Variants in MSH6 observed in about 807,000 individuals in gnomAD.
The protein encoded by MSH6 is DNA mismatch repair protein Msh6.
In MSH6, 85 loss-of-function variants were observed where a neutral mutation model predicts 119.1. That is an observed-to-expected ratio of 0.71 (90% CI 0.60 to 0.85). MSH6 has a LOEUF of 0.85. MSH6 is among the 40% of genes least tolerant of loss of function. The pLI, the probability that MSH6 is intolerant of heterozygous loss-of-function variation, is 0.00. For missense variants in MSH6, 2,163 were observed against 1,655.3 expected (o/e 1.31, Z -5.32); for synonymous variants, 830 against 586.9 (o/e 1.41, Z -5.99).
intron 4 of MSH6, 121 bp from the exon 5 acceptor site, chr2:47,803,299 G>A: frequency 7.7e-7 from 1 of 1,306,544 alleles, no homozygotes; most frequent in Non-Finnish European, 1.1e-6. Flanking sequence ...GGAGATCGTT[G>A]GACTGTAATT....
At position 47,805,474 on chromosome 2, in the gene MSH6, G is replaced by A. The variant is rs7562367; in HGVS notation, c.3557-144G>A. ...ATTACAGGCGTGAGCCACCGTGCCC[G>A]GCCAATAATTGCATAGTCTCTTAAT... On this transcript the variant is annotated intron_variant, in intron 6 of 9. Coordinates refer to ENST00000234420, the MANE Select transcript of MSH6 (RefSeq NM_000179.3). 477,482 of 692,022 alleles carry A rather than the reference G, an allele frequency of 0.69. 166,654 individuals are homozygous for A. The highest frequency in any genetic ancestry group is 0.86 in the East Asian group (31,609 of 36,822). 42.9% of individuals were successfully genotyped at this position (692,022 alleles called of 1,614,324 possible).
chr2:47,787,772 C>T (rs1167274856), intron 1 of MSH6, among the ~76,000 whole-genome samples: 2 of 152,078 alleles, frequency 1.3e-5, no homozygotes, highest in East Asian at 3.9e-4. Context: ...GCACACCACC[C>T]CATGCCTGGC....
At chr2:47,790,632 G>C (rs2104090957) in intron 1 of MSH6, among the ~76,000 whole-genome samples, 1 of 152,178 alleles carries the variant, frequency 6.6e-6, no homozygotes, top group East Asian at 1.9e-4. Context: ...CCTTTTTCCT[G>C]CCATCAGCAT....
rs753778809 is a variant in MSH6 at position 47,805,626 on chromosome 2, A to G, written c.3565A>G (p.Thr1189Ala). 48 of 1,609,836 alleles carry G rather than the reference A, an allele frequency of 3.0e-5. No homozygotes were observed. Among genetic ancestry groups the G allele is most frequent in the Non-Finnish European group, 3.9e-5 (46 of 1,176,656 alleles). ...ASDRIMSGES[T>A]FFVELSETAS... is the part of the protein sequence containing the mutation. ...ATTTTTTTTTTTTTAAGGTGAAAGT[A>G]CATTTTTTGTTGAATTAAGTGAAAC... The change falls in exon 7 of 10, where the codon ACA becomes GCA. Residue 1189 changes from threonine to alanine, a missense_variant. Physicochemically the swap from Thr to Ala is moderately conservative, Grantham distance 58. Transcript: ENST00000234420.
downstream of MSH6, chr2:47,807,519 C>T (rs1670303440): frequency 4.8e-6 from 1 of 210,110 alleles, no homozygotes; most frequent in African/African-American, 2.3e-5. Flanking sequence ...AAAGAACGTA[C>T]ATACTGGGAC....
At chr2:47,793,737 CTTT>C (rs1321229070) in intron 2 of MSH6, among the ~76,000 whole-genome samples, 1 of 146,464 alleles carries the variant, frequency 6.8e-6, no homozygotes, top group South Asian at 2.2e-4. Context: ...GGCAGAATTA[CTTT>C]TTTTTTTTGC....
At position 47,783,230 on chromosome 2, in the gene MSH6, C is replaced by T. The variant is rs1114167784; in HGVS notation, c.-4C>T. On this transcript the variant is annotated 5_prime_UTR_variant, in exon 1 of 10. Coordinates refer to ENST00000234420, the MANE Select transcript of MSH6 (RefSeq NM_000179.3). ...AGAACGGTTGGGCCTTGCCGGCTGT[C>T]GGTATGTCGCGACAGAGCACCCTGT... 4 of 1,611,234 alleles carry T rather than the reference C, an allele frequency of 2.5e-6. No individual in the cohort carries two copies. Among genetic ancestry groups the T allele is most frequent in the South Asian group, 1.1e-5 (1 of 90,834 alleles).
At position 47,803,325 on chromosome 2, in the gene MSH6, T is replaced by G. The variant is rs1029608003; in HGVS notation, c.3173-95T>G. On this transcript the variant is annotated intron_variant, in intron 4 of 9. Transcript: ENST00000234420. ...GACTGTAATTGAAAGTTATGTCTTA[T>G]AATGAAATGTGTTATATAAAGAAGA... 6 of 1,499,540 alleles carry G rather than the reference T, an allele frequency of 4.0e-6. 1 individual carries two copies. The East Asian group carries it at 1.1e-4, about 28-fold the overall frequency. 92.9% of individuals were successfully genotyped at this position (1,499,540 alleles called of 1,614,324 possible).
In MSH6 at chr2:47,806,224, G is replaced by C. The variant is rs2104537711; in HGVS notation, c.3667G>C (p.Asp1223His). The change falls in exon 8 of 10, where the codon GAT becomes CAT. Residue 1223 changes from aspartate (D) to histidine (H), a missense_variant. Physicochemically the swap from Asp to His is moderately conservative, Grantham distance 81. Transcript: ENST00000234420. ...AACAGGAAGAGGTACTGCAACATTTGATGGGACGGCAATAGCAAATGCAGT... is the reference window on the plus strand; with the variant it reads ...AACAGGAAGAGGTACTGCAACATTTCATGGGACGGCAATAGCAAATGCAGT... ...DELGRGTATF[D>H]GTAIANAVVK... is the part of the protein sequence containing the mutation. The C allele has an allele frequency of 6.2e-7, 1 of 1,614,066 alleles. No individual in the cohort carries two copies. The highest frequency in any genetic ancestry group is 8.5e-7 in the Non-Finnish European group (1 of 1,179,996).
At chr2:47,804,830 G>A (rs531673100) in intron 5 of MSH6, 80 bp from the exon 6 acceptor site, 46 of 1,065,484 alleles carry the variant, frequency 4.3e-5, no homozygotes, top group African/African-American at 2.6e-4. Context: ...TAGCTCTTAC[G>A]TAAGGGTTCA....
At chr2:47,783,981 G>GA (rs1668186463) in intron 1 of MSH6, 1 of 1,034,658 alleles carries the variant, frequency 9.7e-7, no homozygotes, top group Non-Finnish European at 1.2e-6. Context: ...GGTGCGAAAG[G>GA]AGGTTCCTCG....
At position 47,799,914 on chromosome 2, in the gene MSH6, G is replaced by C. The variant is rs1324616148; in HGVS notation, c.1931G>C (p.Arg644Thr). ...LRTLLEEEYF[R>T]EKLSDGIGVM... ...ACTCTCCTTGAGGAAGAATATTTTA[G>C]GGAAAAGCTAAGTGATGGCATTGGG... The change falls in exon 4 of 10, where the codon AGG (arginine) becomes ACG (threonine). Residue 644 changes from arginine to threonine, a missense_variant. Arg to Thr is a moderately conservative substitution (Grantham distance 71). Coordinates refer to ENST00000234420, the MANE Select transcript of MSH6 (RefSeq NM_000179.3). 6.2e-7 allele frequency: 1 copy of C among 1,614,174 alleles called. No homozygotes were observed. Among genetic ancestry groups the C allele is most frequent in the African/African-American group, 1.3e-5 (1 of 75,040 alleles).
At chr2:47,784,605 G>A (rs1227955275) in intron 1 of MSH6, 1 of 152,124 alleles carries the variant, frequency 6.6e-6, no homozygotes, top group Non-Finnish European at 1.5e-5. Context: ...CGGGATTACA[G>A]GAATGCGCCC....
rs1491155839 is a variant in MSH6, at chr2:47,788,906, C to CTTTTTTTTTTTTTTTTTTT, written c.261-2021_261-2020insTTTTTTTTTTTTTTTTTTT. On this transcript the variant is annotated intron_variant, in intron 1 of 9. Coordinates refer to ENST00000234420, the MANE Select transcript of MSH6 (RefSeq NM_000179.3). ...GCTATTTCTTTCTTTCTTTCTTCTTCCTTTTTTTTTTTTTTGTTTTTTTTT... is the reference window on the plus strand; with the variant it reads ...GCTATTTCTTTCTTTCTTTCTTCTTCTTTTTTTTTTTTTTTTTTTCTTTTTTTTTTTTTTGTTTTTTTTT... Among the ~76,000 whole-genome samples the CTTTTTTTTTTTTTTTTTTT allele has an allele frequency of 1.8e-3, 29 of 15,828 alleles. 5 individuals carry two copies. The highest frequency in any genetic ancestry group is 4.2e-3 in the African/African-American group (11 of 2,590). 10.4% of individuals were successfully genotyped at this position (15,828 alleles called of 152,430 possible). A position where few individuals can be genotyped will look rare whatever the true frequency, so the allele number is the denominator to read the frequency against.
chr2:47,806,405 C>G (rs1433876323), intron 8 of MSH6, 47 bp downstream of exon 8: 1 of 1,608,858 alleles, frequency 6.2e-7, no homozygotes, highest in South Asian at 1.1e-5. Context: ...TTTGAGAGGG[C>G]ACTTCTCTTG....
intron 2 of MSH6, among the ~76,000 whole-genome samples, chr2:47,791,693 T>TC (rs1038617661): frequency 2.0e-5 from 3 of 149,606 alleles, no homozygotes; most frequent in African/African-American, 7.4e-5. Context: ...TTTTTTTTTT[T>TC]CTGGAGACAG....
At position 47,799,173 on chromosome 2, in the gene MSH6, A is replaced by T. The variant is rs63750065; in HGVS notation, c.1190A>T (p.Tyr397Phe). The T allele has an allele frequency of 3.1e-6, 5 of 1,614,170 alleles. No individual in the cohort carries two copies. In the South Asian group the frequency reaches 4.4e-5, roughly 14 times the overall value. The change falls in exon 4 of 10, where the codon TAT becomes TTT. Residue 397 changes from tyrosine (Y) to phenylalanine (F), a missense_variant. Physicochemically the swap from Tyr to Phe is conservative, Grantham distance 22. Transcript: ENST00000234420. ...DHPDFDASTL[Y>F]VPEDFLNSCT... Reference sequence around the variant, plus strand: ...CCCGATTTTGATGCATCTACACTCTATGTGCCTGAGGATTTCCTCAATTCT... The same window carrying T: ...CCCGATTTTGATGCATCTACACTCTTTGTGCCTGAGGATTTCCTCAATTCT...
At position 47,801,104 on chromosome 2, in the gene MSH6, G is replaced by A. The variant is rs2104441362; in HGVS notation, c.3121G>A (p.Asp1041Asn). The change falls in exon 4 of 10, where the codon GAT becomes AAT. Residue 1041 changes from aspartate to asparagine, a missense_variant. Asp to Asn is a conservative substitution (Grantham distance 23). Coordinates refer to ENST00000234420, the MANE Select transcript of MSH6 (RefSeq NM_000179.3). ...CATGCGGCGACTGTTCTATAACTTTGATAAAAATTACAAGGACTGGCAGTC... is the reference window on the plus strand; with the variant it reads ...CATGCGGCGACTGTTCTATAACTTTAATAAAAATTACAAGGACTGGCAGTC... ...DCMRRLFYNFDKNYKDWQSAV... is the reference protein window; with the variant it reads ...DCMRRLFYNFNKNYKDWQSAV... 6.2e-7 allele frequency: 1 copy of A among 1,612,716 alleles called. No homozygotes were observed. The highest frequency in any genetic ancestry group is 8.5e-7 in the Non-Finnish European group (1 of 1,179,810).
At chr2:47,806,752 T>TTTTTTTTTTTTTTTTTTAAAACA in intron 9 of MSH6, 27 bp from the exon 10 acceptor site, 1 of 100,948 alleles carries the variant, frequency 9.9e-6, no homozygotes, top group Non-Finnish European at 1.6e-5. Context: ...ACAAAAAAAC[T>TTTTTTTTTTTTTTTTTTAAAACA]TTTTTTTTTT....
Sources: allele counts gnomAD v4.1 joint callset (sites outside exome capture counted in the v4.1 genomes callset), GRCh38; gene constraint gnomAD v4.1.1; transcripts MANE v1.5; gene names NCBI Gene and HGNC (gene_info 2026-07-23, HGNC 2026-07-21).